The following CLASP1 variants were observed in gnomAD, a reference collection of about 807,000 sequenced individuals.
CLASP1 encodes the protein CLIP-associating protein 1.
CLASP1 carries 38 observed loss-of-function variants against 192.3 expected under a neutral mutation model. That is an observed-to-expected ratio of 0.20 (90% confidence interval 0.15 to 0.26). The LOEUF (loss-of-function observed/expected upper bound fraction) is 0.26, where lower values mean the gene tolerates loss of function less well. CLASP1 is among the 10% of genes least tolerant of loss of function. CLASP1 has a pLI of 1.00. For synonymous variants in CLASP1, 691 were observed against 712.8 expected, an observed-to-expected ratio of 0.97 and a Z score of 0.49; for missense variants, 1,433 against 1,932.5, an observed-to-expected ratio of 0.74 and a Z score of 4.85.
chr2:121,581,511 T>C (rs2105574645), intron 2 of CLASP1, among the ~76,000 whole-genome samples: 1 of 152,026 alleles, frequency 6.6e-6, no homozygotes, highest in Non-Finnish European at 1.5e-5. Flanking sequence ...CCTGACCTCA[T>C]GATCCACCCG....
chr2:121,438,958 C>T (rs1476337949), intron 19 of CLASP1, among the ~76,000 whole-genome samples: 3 of 150,288 alleles, frequency 2.0e-5, no homozygotes, highest in South Asian at 2.1e-4. Context: ...TCCATCTGGT[C>T]CTGGACTCTT....
At chr2:121,437,758 TA>T (rs2082552818) in intron 19 of CLASP1, among the ~76,000 whole-genome samples, 1 of 152,202 alleles carries the variant, frequency 6.6e-6, no homozygotes, top group South Asian at 2.1e-4. Flanking sequence ...TTCTGTCCTT[TA>T]TGTCCTGCAC....
At chr2:121,358,173 T>TA (rs956709834) in intron 37 of CLASP1, among the ~76,000 whole-genome samples, 3 of 152,178 alleles carry the variant, frequency 2.0e-5, no homozygotes, top group African/African-American at 7.2e-5. Flanking sequence ...GTCTTTTTAT[T>TA]AAAAAGCAAA....
chr2:121,640,945 T>C lies in CLASP1; in HGVS notation c.-286+8427A>G, dbSNP rs538963298. Among the ~76,000 whole-genome samples, 5 of 152,324 alleles carry C rather than the reference T, an allele frequency of 3.3e-5. 1 individual carries two copies. In the South Asian group the frequency reaches 1.0e-3, roughly 32 times the overall value. Reference sequence around the variant, plus strand: ...TTGCTAGTGTGACAATAGGTCTATGTGCTACCTTTCAGCTAACCAAAGGCT... The same window carrying C: ...TTGCTAGTGTGACAATAGGTCTATGCGCTACCTTTCAGCTAACCAAAGGCT... On this transcript the variant is annotated intron_variant, in intron 1 of 39. Transcript: ENST00000263710.
chr2:121,455,920 TG>T (rs1339741700), intron 14 of CLASP1, among the ~76,000 whole-genome samples: 4 of 152,004 alleles, frequency 2.6e-5, no homozygotes, highest in African/African-American at 7.3e-5. Context: ...TCTCAGAAGC[TG>T]GGGGTTGGGA....
At chr2:121,638,484 C>T (rs2071334613) in intron 1 of CLASP1, among the ~76,000 whole-genome samples, 1 of 151,700 alleles carries the variant, frequency 6.6e-6, no homozygotes, top group African/African-American at 2.4e-5. Context: ...AGGTATATAC[C>T]CAAAAGAAAT....
intron 2 of CLASP1, among the ~76,000 whole-genome samples, chr2:121,590,463 TACTC>T (rs748024276): frequency 7.9e-5 from 12 of 152,352 alleles, no homozygotes; most frequent in Non-Finnish European, 1.5e-4. Flanking sequence ...TGATATAACT[TACTC>T]AGTGCTAAGA....
At chr2:121,469,837 C>G in exon 9 of CLASP1, 1 of 1,613,488 alleles carries the variant, frequency 6.2e-7, no homozygotes, top group Non-Finnish European at 8.5e-7. Context: ...GGTGGATGAA[C>G]CAAGCCGGCG....
rs767727909 is a variant in CLASP1, at chr2:121,397,125, TTC to T, written c.3123+13_3123+14del. On this transcript the variant is annotated intron_variant, in intron 30 of 39. Transcript: ENST00000263710. ...GGAACAATCTGTAATTACACGTCGG[TTC>T]TCTTGGACATACCTTTCTCACGTCT... 1.2e-6 allele frequency: 2 copies of T among 1,612,946 alleles called. No homozygotes were observed. The highest frequency in any genetic ancestry group is 1.1e-5 in the South Asian group (1 of 91,042).
At chr2:121,457,457 A>C (rs1180777189) in intron 14 of CLASP1, among the ~76,000 whole-genome samples, 1 of 140,110 alleles carries the variant, frequency 7.1e-6, no homozygotes, top group Non-Finnish European at 1.5e-5. Context: ...TCACACAGAC[A>C]TACACACACA....
intron 19 of CLASP1, among the ~76,000 whole-genome samples, chr2:121,435,895 T>C (rs559137712): frequency 6.6e-6 from 1 of 152,222 alleles, no homozygotes; most frequent in African/African-American, 2.4e-5. Context: ...AAACAGGACA[T>C]GAACACTGAT....
At chr2:121,607,867 T>C (rs967432771) in intron 1 of CLASP1, among the ~76,000 whole-genome samples, 6 of 152,202 alleles carry the variant, frequency 3.9e-5, no homozygotes, top group African/African-American at 1.2e-4. Context: ...ACATTGAGAT[T>C]CTTTCTGAGG....
In CLASP1 at chr2:121,640,984, C is replaced by T. The variant is rs137901587; in HGVS notation, c.-286+8388G>A. On this transcript the variant is annotated intron_variant, in intron 1 of 39. Transcript: ENST00000263710. ...TAACCAAAGGCTGAGCAGGATATGG[C>T]CTGGGCTGGGAGAACACTATGACTT... is the stretch of plus-strand genomic sequence containing the variant. Among the ~76,000 whole-genome samples, 563 of 152,228 alleles carry T rather than the reference C, an allele frequency of 3.7e-3. 5 individuals are homozygous for T. The highest frequency in any genetic ancestry group is 0.013 in the African/African-American group (524 of 41,530).
intron 19 of CLASP1, among the ~76,000 whole-genome samples, chr2:121,432,273 C>T (rs1243192572): frequency 6.6e-6 from 1 of 152,116 alleles, no homozygotes; most frequent in Non-Finnish European, 1.5e-5. Context: ...CATGCCACCA[C>T]ACACCTGGCT....
In CLASP1 at chr2:121,467,830, T is replaced by C. The variant is rs138485020; in HGVS notation, c.865+1978A>G. ...TTGTCAATTTTTGCTTTTGTTGCAA[T>C]TGCTTTTGGTGTCTTCGTCATGAAA... On this transcript the variant is annotated intron_variant, in intron 9 of 39. Transcript: ENST00000263710. Among the ~76,000 whole-genome samples the C allele has an allele frequency of 2.7e-3, 411 of 152,338 alleles. 3 individuals carry two copies. Among genetic ancestry groups the C allele is most frequent in the East Asian group, 0.021 (109 of 5,176 alleles).
intron 2 of CLASP1, among the ~76,000 whole-genome samples, chr2:121,561,347 T>C (rs2059068477): frequency 1.3e-5 from 2 of 152,248 alleles, no homozygotes; most frequent in African/African-American, 2.4e-5. Context: ...AGGCAAAGAA[T>C]TACTACTGTA....
chr2:121,388,917 T>C (rs10196761), intron 30 of CLASP1, among the ~76,000 whole-genome samples: 20,403 of 152,172 alleles, frequency 0.13, 1,933 homozygotes, highest in African/African-American at 0.26. Context: ...AGAATTTTTT[T>C]CCATGACATA....
At chr2:121,356,863 T>G (rs991506321) in intron 37 of CLASP1, among the ~76,000 whole-genome samples, 2 of 152,054 alleles carry the variant, frequency 1.3e-5, no homozygotes, top group East Asian at 1.9e-4. Context: ...CTCTAAGGGG[T>G]AGAACTAGGG....
chr2:121,512,186 T>C (rs945634586), intron 7 of CLASP1, among the ~76,000 whole-genome samples: 2 of 152,244 alleles, frequency 1.3e-5, no homozygotes, highest in Admixed American at 6.5e-5. Flanking sequence ...TTTTAGAAGC[T>C]TGGTTCCCAA....
Sources: allele counts gnomAD v4.1 joint callset (sites outside exome capture counted in the v4.1 genomes callset), GRCh38; gene constraint gnomAD v4.1.1; transcripts MANE v1.5; gene names NCBI Gene and HGNC (gene_info 2026-07-23, HGNC 2026-07-21).